The following LINGO1 variants were observed in gnomAD, a reference collection of about 807,000 sequenced individuals.
The protein encoded by LINGO1 is leucine rich repeat and Ig domain containing 1.
LINGO1 carries 11 observed loss-of-function variants against 37.3 expected under a neutral mutation model. That is an observed-to-expected ratio of 0.29 (90% CI 0.19 to 0.49). The LOEUF is 0.49. Ranked by LOEUF, LINGO1 falls within the 20% of genes least tolerant of loss-of-function variation. LINGO1 has a pLI of 0.99. For synonymous variants in LINGO1, 387 were observed against 403.0 expected (o/e 0.96, Z 0.48); for missense variants, 585 against 878.2 (o/e 0.67, Z 4.22).
chr15:77,616,026 G>A (rs1268507549), intron 1 of LINGO1, 126 bp from the exon 2 acceptor site: 1 of 627,906 alleles, frequency 1.6e-6, no homozygotes, highest in Non-Finnish European at 2.5e-6. Context: ...TAGAGAGGCA[G>A]GGTCCAGATG....
At chr15:77,682,754 C>A (rs937658173) in intron 2 of LINGO1, among the ~76,000 whole-genome samples, 1 of 152,138 alleles carries the variant, frequency 6.6e-6, no homozygotes, top group Non-Finnish European at 1.5e-5. Flanking sequence ...CCCATCCACA[C>A]AGTGGCAATC....
intron 2 of LINGO1, among the ~76,000 whole-genome samples, chr15:77,718,712 G>A (rs2076014432): frequency 2.7e-5 from 4 of 150,658 alleles, no homozygotes; most frequent in African/African-American, 7.3e-5. Flanking sequence ...ACAACTGCGT[G>A]GCCTTGGTCA....
At chr15:77,746,919 GATT>G (rs2076320078) in intron 1 of LINGO1, among the ~76,000 whole-genome samples, 1 of 152,132 alleles carries the variant, frequency 6.6e-6, no homozygotes, top group Admixed American at 6.5e-5. Context: ...AGGGGCCATA[GATT>G]AGCTGGCCCA....
intron 1 of LINGO1, among the ~76,000 whole-genome samples, chr15:77,754,802 G>A (rs2076404232): frequency 1.3e-5 from 2 of 152,246 alleles, no homozygotes; most frequent in African/African-American, 2.4e-5. Flanking sequence ...GGTGAGGGTA[G>A]GTCCGGTAGG....
Position 77,615,214 on chromosome 15 carries a change from C to T in LINGO1, c.693G>A (p.Arg231=), listed in dbSNP as rs1400726019. Residue 231 remains arginine (R), a synonymous_variant, in exon 2 of 2, where the codon CGG becomes CGA. Coordinates refer to ENST00000355300, the MANE Select transcript of LINGO1 (RefSeq NM_032808.7). The part of the protein sequence containing the change: ...RLRHLNINAI[R]DYSFKRLYRL... ...GGTACAGCCTCTTGAAGGAGTAGTC[C>T]CGGATGGCATTGATGTTGAGGTGCC... The T allele has an allele frequency of 1.9e-6, 3 of 1,613,680 alleles. No homozygotes were observed. The highest frequency in any genetic ancestry group is 2.5e-6 in the Non-Finnish European group (3 of 1,179,826).
chr15:77,748,467 G>A (rs1216291890), intron 1 of LINGO1, among the ~76,000 whole-genome samples: 1 of 150,420 alleles, frequency 6.6e-6, no homozygotes, highest in Admixed American at 6.7e-5. Context: ...ACAGAGCCTG[G>A]CTCAGGGCCC....
chr15:77,652,744 G>A lies in LINGO1; in HGVS notation c.-13+24345C>T, dbSNP rs74025350. On this transcript the variant is annotated intron_variant, in intron 3 of 3. Transcript: ENST00000559893. ...AGTCCTGGATTTTTCCAGCCCAGTG[G>A]TGGTCAATGGCCAGCACAGTGCGGG... 9.0e-3 allele frequency among the ~76,000 whole-genome samples: 1,369 copies of A among 152,250 alleles called. 21 individuals are homozygous for A. Among genetic ancestry groups the A allele is most frequent in the African/African-American group, 0.031 (1,304 of 41,528 alleles).
chr15:77,702,444 C>A (rs1485125465), intron 2 of LINGO1, among the ~76,000 whole-genome samples: 1 of 152,128 alleles, frequency 6.6e-6, no homozygotes. Flanking sequence ...ACCCTCCACC[C>A]CAGGGGCCTG....
intron 3 of LINGO1, among the ~76,000 whole-genome samples, chr15:77,649,742 C>T (rs1369603382): frequency 6.6e-6 from 1 of 152,134 alleles, no homozygotes; most frequent in Non-Finnish European, 1.5e-5. Context: ...GCAGGCAGGA[C>T]TCTTGCTGAG....
At chr15:77,800,496 ACGGAT>A (rs1489233621) in intron 1 of LINGO1, among the ~76,000 whole-genome samples, 13 of 152,142 alleles carry the variant, frequency 8.5e-5, no homozygotes, top group Admixed American at 8.5e-4. Context: ...TGGAGCATGG[ACGGAT>A]GGGGCCACCC....
At chr15:77,669,381 A>G (rs149634488) in intron 3 of LINGO1, among the ~76,000 whole-genome samples, 1,572 of 152,272 alleles carry the variant, frequency 0.01, 14 homozygotes, top group Non-Finnish European at 0.016. Context: ...ACAGAGCCAC[A>G]TCTCATCTCA....
In LINGO1 at chr15:77,751,402, G is replaced by A. The variant is rs116005315; in HGVS notation, c.-256-16349C>T. ...TACTATTATCTACCTTGCCCGTGGG[G>A]TTCACGAGTCACAGGTATGAGAAAT... On this transcript the variant is annotated intron_variant, in intron 1 of 3. Coordinates refer to the LINGO1 transcript ENST00000561686. Among the ~76,000 whole-genome samples, 1,220 of 152,328 alleles carry A rather than the reference G, an allele frequency of 8.0e-3. 15 individuals carry two copies. Among genetic ancestry groups the A allele is most frequent in the African/African-American group, 0.028 (1,145 of 41,580 alleles).
chr15:77,765,967 C>T (rs2076524061), intron 1 of LINGO1, among the ~76,000 whole-genome samples: 1 of 152,170 alleles, frequency 6.6e-6, no homozygotes, highest in African/African-American at 2.4e-5. Flanking sequence ...ATGTCAGCTC[C>T]ACCAGCTCAG....
In LINGO1 at chr15:77,615,317, G is replaced by T; in HGVS notation, c.590C>A (p.Thr197Lys). 6.2e-7 allele frequency: 1 copy of T among 1,613,574 alleles called. No homozygotes were observed. The highest frequency in any genetic ancestry group is 8.5e-7 in the Non-Finnish European group (1 of 1,179,806). ...GGAGGTCAGGTTGCATTTCTCCAGC[G>T]TCAGCTGCTCCAGGCTGTTGAGGCC... ...FSGLNSLEQLTLEKCNLTSIP... is the reference protein window; with the variant it reads ...FSGLNSLEQLKLEKCNLTSIP... Residue 197 changes from threonine to lysine, a missense_variant, in exon 2 of 2, where the codon ACG (threonine) becomes AAG (lysine). Around this residue, in one of 4 missense-constraint regions of LINGO1, gnomAD observed 484 missense variants for 735.0 expected, o/e 0.66. Transcript: ENST00000355300.
At chr15:77,655,011 C>T (rs538469680) in intron 3 of LINGO1, among the ~76,000 whole-genome samples, 1 of 152,272 alleles carries the variant, frequency 6.6e-6, no homozygotes, top group Non-Finnish European at 1.5e-5. Flanking sequence ...AGGAGGCTTG[C>T]CCGTTCATCT....
intron 1 of LINGO1, among the ~76,000 whole-genome samples, chr15:77,807,586 C>T (rs957500397): frequency 1.1e-4 from 17 of 152,126 alleles, no homozygotes; most frequent in Non-Finnish European, 2.2e-4. Context: ...TGCCTCCCTG[C>T]ACACGTCTCT....
chr15:77,703,099 G>T (rs964617892), intron 2 of LINGO1, among the ~76,000 whole-genome samples: 3 of 152,198 alleles, frequency 2.0e-5, no homozygotes, highest in Admixed American at 2.0e-4. Flanking sequence ...GAAGCAAACT[G>T]CTCTGTCCAT....
chr15:77,769,156 G>A (rs1427838916), intron 1 of LINGO1, among the ~76,000 whole-genome samples: 3 of 152,364 alleles, frequency 2.0e-5, no homozygotes, highest in Middle Eastern at 6.8e-3. Flanking sequence ...CCACAGAAGA[G>A]GCTATCCATG....
At chr15:77,748,909 C>CTTTTTTTTTTTTT in intron 1 of LINGO1, among the ~76,000 whole-genome samples, 1 of 87,792 alleles carries the variant, frequency 1.1e-5, no homozygotes, top group African/African-American at 4.3e-5. Flanking sequence ...CCTTCCTTCT[C>CTTTTTTTTTTTTT]TTTTTTTTTT....
Sources: gnomAD v4.1 joint callset for allele counts (sites outside exome capture counted in the v4.1 genomes callset) on GRCh38, gnomAD v4.1.1 for gene constraint, gnomAD v4.1.1 regional missense constraint, MANE v1.5 for transcripts, NCBI Gene and HGNC (gene_info 2026-07-23, HGNC 2026-07-21) for gene names.